PDE1B: variants seen among roughly 807,000 people sequenced by gnomAD.
PDE1B encodes the protein dual specificity calcium/calmodulin-dependent 3',5'-cyclic nucleotide phosphodiesterase 1B.
PDE1B carries 13 observed loss-of-function variants against 66.7 expected under a neutral mutation model. The observed-to-expected ratio is 0.19, with a 90% confidence interval of 0.13 to 0.31. PDE1B has a LOEUF of 0.31. PDE1B is among the 10% of genes least tolerant of loss of function. PDE1B has a pLI of 1.00. For missense variants in PDE1B, 485 were observed against 682.3 expected (o/e 0.71, Z 3.22); for synonymous variants, 230 against 253.9 (o/e 0.91, Z 0.90).
At chr12:54,568,239 T>C (rs1957551742) in intron 3 of PDE1B, among the ~76,000 whole-genome samples, 1 of 151,582 alleles carries the variant, frequency 6.6e-6, no homozygotes, top group Admixed American at 6.6e-5. Flanking sequence ...TGAGGCAGCC[T>C]GATTGCTTGA....
rs1351081025 is a variant in PDE1B, at chr12:54,575,315, T to C, written c.1185+97T>C. 5.4e-6 allele frequency: 6 copies of C among 1,116,104 alleles called. No homozygotes were observed. Among genetic ancestry groups the C allele is most frequent in the Non-Finnish European group, 8.1e-6 (6 of 741,564 alleles). The allele number at this position is 1,116,104 out of a possible 1,614,324, so 69.1% of individuals were successfully genotyped here. On this transcript the variant is annotated intron_variant, in intron 11 of 15. Transcript: ENST00000243052. The surrounding 1 kb of genome is among the most constrained non-coding windows in gnomAD (Gnocchi z 4.0). ...ATCCTGTTCCACATCCTCCTTTTGC[T>C]ACCTGTAGTCTCTGACCTGATCCCA...
At chr12:54,572,996 T>A in intron 7 of PDE1B, 152 bp from the exon 8 acceptor site, 1 of 696,744 alleles carries the variant, frequency 1.4e-6, no homozygotes, top group Non-Finnish European at 2.5e-6. Flanking sequence ...TCCTTGGCCA[T>A]TTCAGGAGCT....
intron 7 of PDE1B, among the ~76,000 whole-genome samples, 153 bp from the exon 8 acceptor site, chr12:54,572,995 A>G (rs1957644251): frequency 6.6e-6 from 1 of 152,208 alleles, no homozygotes; most frequent in Non-Finnish European, 1.5e-5. Flanking sequence ...GTCCTTGGCC[A>G]TTTCAGGAGC....
intron 3 of PDE1B, among the ~76,000 whole-genome samples, chr12:54,568,718 C>T (rs757366264): frequency 2.0e-4 from 31 of 152,002 alleles, no homozygotes; most frequent in Non-Finnish European, 3.7e-4. Flanking sequence ...ATCGCTCGAA[C>T]CCGGGAGGCG....
In PDE1B at chr12:54,576,851, A is replaced by G. The variant is rs557046626; in HGVS notation, c.1507+150A>G. 213 of 783,160 alleles carry G rather than the reference A, an allele frequency of 2.7e-4. 1 individual carries two copies. In the African/African-American group the frequency reaches 3.5e-3, roughly 13 times the overall value. 48.5% of individuals were successfully genotyped at this position (783,160 alleles called of 1,614,324 possible). A position where few individuals can be genotyped will look rare whatever the true frequency, so the allele number is the denominator to read the frequency against. ...CTGATCAGACCAGTTAGATCACAGG[A>G]AAGACTGGCTGAGTGGCCTGGAATG... is the stretch of plus-strand genomic sequence containing the variant. On this transcript the variant is annotated intron_variant, in intron 14 of 15. Transcript: ENST00000243052.
Position 54,574,012 on chromosome 12 carries a change from A to C in PDE1B, c.1064+303A>C. 1.6e-5 allele frequency: 6 copies of C among 377,094 alleles called. No homozygotes were observed. In the South Asian group the frequency reaches 2.2e-4, roughly 14 times the overall value. 23.4% of individuals were successfully genotyped at this position (377,094 alleles called of 1,614,324 possible). A position where few individuals can be genotyped will look rare whatever the true frequency, so the allele number is the denominator to read the frequency against. ...CTCATCGTAGCTCTGGGACAGGCTT[A>C]CTCTGGAATGTTGGAAAATTCATTC... On this transcript the variant is annotated intron_variant, in intron 10 of 15. Transcript: ENST00000243052.
At chr12:54,551,685 C>T (rs1308551888) in intron 2 of PDE1B, among the ~76,000 whole-genome samples, 1 of 152,148 alleles carries the variant, frequency 6.6e-6, no homozygotes, top group Non-Finnish European at 1.5e-5. Context: ...TTCACTATCT[C>T]CCACACATTT....
intron 15 of PDE1B, 91 bp from the exon 16 acceptor site, chr12:54,577,769 G>T: frequency 2.2e-6 from 1 of 450,374 alleles, no homozygotes; most frequent in Non-Finnish European, 3.9e-6. Context: ...CTCTACTCGG[G>T]ACTGAGTGGG....
At chr12:54,552,065 C>T (rs531903045) in intron 2 of PDE1B, among the ~76,000 whole-genome samples, 12 of 152,328 alleles carry the variant, frequency 7.9e-5, no homozygotes, top group East Asian at 1.9e-4. Flanking sequence ...CCCAGTCTTA[C>T]GTCCTTAAAG....
rs1229479775 is a variant in PDE1B at position 54,576,982 on chromosome 12, G to A, written c.1508-243G>A. 3 of 605,142 alleles carry A rather than the reference G, an allele frequency of 5.0e-6. No individual in the cohort carries two copies. The African/African-American group carries it at 5.6e-5, about 11-fold the overall frequency. 37.5% of individuals were successfully genotyped at this position (605,142 alleles called of 1,614,324 possible). On this transcript the variant is annotated intron_variant, in intron 14 of 15. Transcript: ENST00000243052. ...CTGTAAATGGTGCCCCTGTAGATTT[G>A]GCTAATTTGGTGGCCCTGGCTGGGA...
intron 6 of PDE1B, chr12:54,571,920 C>A (rs1043096828): frequency 5.3e-5 from 8 of 152,362 alleles, no homozygotes; most frequent in Admixed American, 2.0e-4. Context: ...CCCCTCCTAG[C>A]CTCAAGAGAT....
chr12:54,575,789 G>T lies in PDE1B; in HGVS notation c.1267+157G>T. 1 of 717,446 alleles carries T rather than the reference G, an allele frequency of 1.4e-6. No individual in the cohort carries two copies. Among genetic ancestry groups the T allele is most frequent in the South Asian group, 1.6e-5 (1 of 61,702 alleles). 44.4% of individuals were successfully genotyped at this position (717,446 alleles called of 1,614,324 possible). ...TGGGGTCCTGGGTTAGGAGGCCAGG[G>T]GGCTGCAATGGCAGGAAGGAGCTCT... On this transcript the variant is annotated intron_variant, in intron 12 of 15. Coordinates refer to ENST00000243052, the MANE Select transcript of PDE1B (RefSeq NM_000924.4). This position sits in a 1 kb window ranked among gnomAD's most constrained non-coding sequence, Gnocchi z 4.0.
In PDE1B at chr12:54,568,467, TACACACACACACACAC is replaced by T. The variant is rs56360853; in HGVS notation, c.228-688_228-673del. Among the ~76,000 whole-genome samples, 403 of 143,470 alleles carry T rather than the reference TACACACACACACACAC, an allele frequency of 2.8e-3. 1 individual carries two copies. The highest frequency in any genetic ancestry group is 8.5e-3 in the African/African-American group (317 of 37,342). 94.1% of individuals were successfully genotyped at this position (143,470 alleles called of 152,430 possible). A position where few individuals can be genotyped will look rare whatever the true frequency, so the allele number is the denominator to read the frequency against. On this transcript the variant is annotated intron_variant, in intron 3 of 15. Coordinates refer to ENST00000243052, the MANE Select transcript of PDE1B (RefSeq NM_000924.4). ...GATAAAGTGAGACCCTGTCTAAAAA[TACACACACACACACAC>T]ACACACACACACACACACACACACA...
At position 54,575,566 on chromosome 12, in the gene PDE1B, G is replaced by C. The variant is rs1957723948; in HGVS notation, c.1201G>C (p.Glu401Gln). The change falls in exon 12 of 16, where the codon GAG becomes CAG. Residue 401 changes from glutamate (E) to glutamine (Q), a missense_variant. Physicochemically the swap from Glu to Gln is conservative, Grantham distance 29. This residue lies in a region of PDE1B where 282 missense variants were observed against 453.4 expected (regional missense o/e 0.62). Transcript: ENST00000243052. The surrounding 1 kb of genome is among the most constrained non-coding windows in gnomAD (Gnocchi z 4.0). ...CCTCCTCTAGGGTGACAAGGAGGCA[G>C]AGTTGGGCCTGCCCTTTTCTCCACT... ...EFFRQGDKEA[E>Q]LGLPFSPLCD... 6.2e-7 allele frequency: 1 copy of C among 1,613,082 alleles called. No individual in the cohort carries two copies. The highest frequency in any genetic ancestry group is 8.5e-7 in the Non-Finnish European group (1 of 1,179,318).
intron 2 of PDE1B, among the ~76,000 whole-genome samples, chr12:54,560,559 T>C (rs985504199): frequency 5.9e-5 from 9 of 152,268 alleles, no homozygotes; most frequent in African/African-American, 2.2e-4. Context: ...CCAGCGTACA[T>C]GTATTGGTGG....
intron 14 of PDE1B, 96 bp from the exon 15 acceptor site, chr12:54,577,129 T>A: frequency 9.7e-7 from 1 of 1,029,756 alleles, no homozygotes; most frequent in Non-Finnish European, 1.5e-6. Context: ...GGCAGGTTGA[T>A]GGATGAGAAT....
In PDE1B at chr12:54,549,614, G is replaced by GGCGGCGGTAGCGGCAGCA. The variant is rs1555173372; in HGVS notation, c.-169_-152dup. On this transcript the variant is annotated 5_prime_UTR_variant, in exon 1 of 16. Coordinates refer to ENST00000243052, the MANE Select transcript of PDE1B (RefSeq NM_000924.4). ...GGCGGCTCTGGCAGCGCGCGGCGGC[G>GGCGGCGGTAGCGGCAGCA]GCGGCGGTAGCGGCAGCAGCAGCGG... The GGCGGCGGTAGCGGCAGCA allele has an allele frequency of 7.1e-5, 33 of 461,894 alleles. No individual in the cohort carries two copies. Among genetic ancestry groups the GGCGGCGGTAGCGGCAGCA allele is most frequent in the Non-Finnish European group, 1.1e-4 (28 of 261,134 alleles). The allele number at this position is 461,894 out of a possible 1,614,324, so 28.6% of individuals were successfully genotyped here.
chr12:54,554,088 G>T (rs1485947681), intron 2 of PDE1B: 1 of 152,210 alleles, frequency 6.6e-6, no homozygotes, highest in Admixed American at 6.5e-5. Context: ...ACCTATGTGT[G>T]ATCTTGTGTA....
In PDE1B at chr12:54,569,402, T is replaced by G. The variant is rs145252256; in HGVS notation, c.410+36T>G. On this transcript the variant is annotated intron_variant, in intron 4 of 15. Coordinates refer to ENST00000243052, the MANE Select transcript of PDE1B (RefSeq NM_000924.4). This position sits in a 1 kb window ranked among gnomAD's most constrained non-coding sequence, Gnocchi z 4.4. Reference sequence around the variant, plus strand: ...CCCACACTCAGCCTCCCTCTGCCTTTAGCTGTGCCCCTCTTTCCCAGCCAC... The same window carrying G: ...CCCACACTCAGCCTCCCTCTGCCTTGAGCTGTGCCCCTCTTTCCCAGCCAC... The G allele has an allele frequency of 5.9e-4, 947 of 1,592,182 alleles. 4 individuals carry two copies. In the African/African-American group the frequency reaches 0.01, roughly 17 times the overall value.
Sources: gnomAD v4.1 joint callset for allele counts (sites outside exome capture counted in the v4.1 genomes callset) on GRCh38, gnomAD v4.1.1 for gene constraint, gnomAD v4.1.1 regional missense constraint, Gnocchi (gnomAD v3.1) non-coding constraint, MANE v1.5 for transcripts, NCBI Gene and HGNC (gene_info 2026-07-23, HGNC 2026-07-21) for gene names.